SRBD1: variants seen among roughly 807,000 people sequenced by gnomAD.
SRBD1 encodes the protein S1 RNA binding domain 1.
A neutral mutation model predicts 115.3 loss-of-function variants in SRBD1; 88 were observed. The observed-to-expected ratio is 0.76, with a 90% CI of 0.64 to 0.91. SRBD1 has a LOEUF of 0.91. SRBD1 is among the 40% of genes least tolerant of loss of function. The pLI, the probability that SRBD1 is intolerant of heterozygous loss-of-function variation, is 0.00. For missense variants in SRBD1, 1,385 were observed against 1,177.4 expected, an observed-to-expected ratio of 1.18 and a Z score of -2.58; for synonymous variants, 509 against 407.7, an observed-to-expected ratio of 1.25 and a Z score of -2.99.
intron 10 of SRBD1, among the ~76,000 whole-genome samples, chr2:45,554,186 A>C (rs536353652): frequency 6.6e-6 from 1 of 152,176 alleles, no homozygotes; most frequent in Non-Finnish European, 1.5e-5. Flanking sequence ...ATAAGAAGAG[A>C]TAACAGAGGG....
chr2:45,604,394 A>AGGGGGGGGGGGGGGGGGG (rs1674198874), intron 2 of SRBD1, among the ~76,000 whole-genome samples: 2 of 141,074 alleles, frequency 1.4e-5, no homozygotes, highest in Admixed American at 7.1e-5. Context: ...AGGGGGGTGG[A>AGGGGGGGGGGGGGGGGGG]GGAAGGGGAG....
intron 14 of SRBD1, among the ~76,000 whole-genome samples, chr2:45,540,579 A>AG (rs1330564319): frequency 6.6e-6 from 1 of 152,202 alleles, no homozygotes; most frequent in African/African-American, 2.4e-5. Context: ...TTTAAAAAAA[A>AG]GTGAAAAGTC....
chr2:45,571,517 C>CAAAAAAAAAAAAA lies in SRBD1; in HGVS notation c.1305+1677_1305+1689dup, dbSNP rs58100763. 1.4e-3 allele frequency among the ~76,000 whole-genome samples: 56 copies of CAAAAAAAAAAAAA among 39,402 alleles called. 2 individuals carry two copies. Among genetic ancestry groups the CAAAAAAAAAAAAA allele is most frequent in the African/African-American group, 2.6e-3 (29 of 11,162 alleles). 25.8% of individuals were successfully genotyped at this position (39,402 alleles called of 152,430 possible). On this transcript the variant is annotated intron_variant, in intron 9 of 20. Coordinates refer to ENST00000263736, the MANE Select transcript of SRBD1 (RefSeq NM_018079.5). ...AAAATACAACATATCCAGACTTTAC[C>CAAAAAAAAAAAAA]AAAAAAAAAAAAAAAAAAAAAAAAA...
At chr2:45,577,069 C>A (rs1016289231) in intron 7 of SRBD1, among the ~76,000 whole-genome samples, 1 of 151,990 alleles carries the variant, frequency 6.6e-6, no homozygotes, top group African/African-American at 2.4e-5. Flanking sequence ...ACGGAGTGTC[C>A]CAGATAACTC....
chr2:45,456,021 T>A (rs1204916268), intron 16 of SRBD1, among the ~76,000 whole-genome samples: 1 of 151,746 alleles, frequency 6.6e-6, no homozygotes, highest in Non-Finnish European at 1.5e-5. Flanking sequence ...TAGAGTTCTG[T>A]GAACCAGAAA....
intron 14 of SRBD1, among the ~76,000 whole-genome samples, chr2:45,540,865 C>A (rs1278203858): frequency 2.0e-5 from 3 of 152,200 alleles, no homozygotes; most frequent in African/African-American, 7.2e-5. Context: ...GCTGACCATA[C>A]CAAGCACTGA....
intron 14 of SRBD1, among the ~76,000 whole-genome samples, chr2:45,490,572 A>G (rs1670262521): frequency 6.6e-6 from 1 of 152,166 alleles, no homozygotes; most frequent in Non-Finnish European, 1.5e-5. Flanking sequence ...TGTAAATCTC[A>G]CCACAGATTT....
intron 5 of SRBD1, among the ~76,000 whole-genome samples, chr2:45,582,021 CATT>C (rs1044439621): frequency 6.6e-6 from 1 of 152,190 alleles, no homozygotes; most frequent in Non-Finnish European, 1.5e-5. Context: ...AAATAACCAT[CATT>C]ATCAGGTAAT....
intron 16 of SRBD1, among the ~76,000 whole-genome samples, chr2:45,466,804 A>T (rs1465899882): frequency 6.6e-6 from 1 of 152,152 alleles, no homozygotes. Flanking sequence ...TGCATTCAAA[A>T]CACCTAGAAA....
At chr2:45,603,369 C>G (rs992625045) in intron 2 of SRBD1, among the ~76,000 whole-genome samples, 1 of 152,104 alleles carries the variant, frequency 6.6e-6, no homozygotes, top group African/African-American at 2.4e-5. Context: ...AACCCCAGCC[C>G]TTGGTTTTCA....
At chr2:45,454,857 T>C (rs1669105476) in intron 16 of SRBD1, among the ~76,000 whole-genome samples, 1 of 151,942 alleles carries the variant, frequency 6.6e-6, no homozygotes, top group African/African-American at 2.4e-5. Flanking sequence ...CTTGTTTCTA[T>C]TCTAATTTGA....
intron 16 of SRBD1, among the ~76,000 whole-genome samples, chr2:45,422,458 T>A (rs954631765): frequency 3.3e-5 from 5 of 152,228 alleles, no homozygotes; most frequent in Admixed American, 6.5e-5. Context: ...GATCATAAAA[T>A]TAAATCAGTG....
chr2:45,439,788 T>C (rs918485062), intron 16 of SRBD1, among the ~76,000 whole-genome samples: 42 of 144,542 alleles, frequency 2.9e-4, no homozygotes, highest in Middle Eastern at 3.5e-3. Flanking sequence ...AGGTAGATCA[T>C]ACCGAAAAAA....
Position 45,593,001 on chromosome 2 carries a change from T to C in SRBD1, c.648+6448A>G, listed in dbSNP as rs572658004. Among the ~76,000 whole-genome samples, 56 of 152,310 alleles carry C rather than the reference T, an allele frequency of 3.7e-4. No individual in the cohort carries two copies. In the South Asian group the frequency reaches 0.011, roughly 29 times the overall value. The stretch of plus-strand genomic sequence containing the variant: ...GTTGGGAAGGGGTAGGGCAAAGAAC[T>C]ACCATAGTTTTCACTTATAAGCGAT... On this transcript the variant is annotated intron_variant, in intron 4 of 20. Coordinates refer to ENST00000263736, the MANE Select transcript of SRBD1 (RefSeq NM_018079.5).
At chr2:45,501,357 T>C (rs1038743927) in intron 14 of SRBD1, among the ~76,000 whole-genome samples, 2 of 152,202 alleles carry the variant, frequency 1.3e-5, no homozygotes, top group Non-Finnish European at 2.9e-5. Context: ...ACAGCTCCAG[T>C]CTACAGCTCC....
At chr2:45,541,263 T>C (rs561961990) in intron 14 of SRBD1, among the ~76,000 whole-genome samples, 4 of 152,332 alleles carry the variant, frequency 2.6e-5, no homozygotes, top group Non-Finnish European at 4.4e-5. Context: ...CAGTGGTTCC[T>C]GGAAGGTGGG....
chr2:45,467,034 G>C (rs1463393286), intron 16 of SRBD1, among the ~76,000 whole-genome samples: 2 of 152,182 alleles, frequency 1.3e-5, no homozygotes, highest in African/African-American at 4.8e-5. Flanking sequence ...GAGCATTAGA[G>C]ACCAGTGGTT....
intron 14 of SRBD1, among the ~76,000 whole-genome samples, chr2:45,537,142 G>A (rs1671787091): frequency 6.6e-6 from 1 of 152,116 alleles, no homozygotes; most frequent in South Asian, 2.1e-4. Context: ...ATACGACACA[G>A]AAAAATGAGG....
chr2:45,423,735 A>G (rs757420889), intron 16 of SRBD1, among the ~76,000 whole-genome samples: 1 of 152,156 alleles, frequency 6.6e-6, no homozygotes, highest in Non-Finnish European at 1.5e-5. Context: ...AGATACCTCA[A>G]GAAGAAAGAA....
Sources: gnomAD v4.1 joint callset for allele counts (sites outside exome capture counted in the v4.1 genomes callset) on GRCh38, gnomAD v4.1.1 for gene constraint, MANE v1.5 for transcripts, NCBI Gene and HGNC (gene_info 2026-07-23, HGNC 2026-07-21) for gene names.